The following PTPRD variants were observed in gnomAD, a reference collection of about 807,000 sequenced individuals.
The protein encoded by PTPRD is receptor-type tyrosine-protein phosphatase delta.
A neutral mutation model predicts 214.5 loss-of-function variants in PTPRD; 34 were observed. The observed-to-expected ratio is 0.16, with a 90% CI of 0.12 to 0.21. The LOEUF is 0.21. Among genes scored for constraint, PTPRD ranks in the 10% least tolerant of loss-of-function variants. The pLI, the probability that PTPRD is intolerant of heterozygous loss-of-function variation, is 1.00. For missense variants in PTPRD, 2,545 were observed against 2,398.7 expected (o/e 1.06, Z -1.27); for synonymous variants, 1,128 against 845.7 (o/e 1.33, Z -5.79).
intron 2 of PTPRD, among the ~76,000 whole-genome samples, chr9:10,465,775 T>C (rs572716257): frequency 9.8e-5 from 15 of 152,314 alleles, no homozygotes; most frequent in African/African-American, 3.6e-4. Context: ...TAGGTTTGTG[T>C]AAGCACATTC....
rs373019174 is a variant in PTPRD at position 8,577,664 on chromosome 9, T to C, written c.353-48885A>G. ...CCTGACTTCTCTAACATACTGAGCA[T>C]TGCCTGTCTCTATTCTGGAAACGAC... On this transcript the variant is annotated intron_variant, in intron 14 of 45. Transcript: ENST00000381196. Among the ~76,000 whole-genome samples, 45 of 152,320 alleles carry C rather than the reference T, an allele frequency of 3.0e-4. 2 individuals carry two copies. Among genetic ancestry groups the C allele is most frequent in the African/African-American group, 1.0e-3 (42 of 41,574 alleles).
At chr9:9,888,471 G>C (rs1171521282) in intron 5 of PTPRD, among the ~76,000 whole-genome samples, 1 of 152,056 alleles carries the variant, frequency 6.6e-6, no homozygotes, top group African/African-American at 2.4e-5. Context: ...GGTGGTGTTT[G>C]GGTCATGGGG....
At chr9:8,923,826 A>G (rs1363962590) in intron 11 of PTPRD, among the ~76,000 whole-genome samples, 3 of 152,186 alleles carry the variant, frequency 2.0e-5, no homozygotes, top group Admixed American at 6.5e-5. Flanking sequence ...CTCGAGTGTA[A>G]TGGCTTTGAA....
In PTPRD at chr9:8,582,229, G is replaced by A. The variant is rs10977213; in HGVS notation, c.352+51088C>T. Among the ~76,000 whole-genome samples the A allele has an allele frequency of 0.013, 1,988 of 152,198 alleles. 64 individuals are homozygous for A. In the East Asian group the frequency reaches 0.14, roughly 11 times the overall value. ...GTTGGGACAACTATGCATCCATGTA[G>A]AATAACAAGATTAGATCGCCACTTT... is the stretch of plus-strand genomic sequence containing the variant. On this transcript the variant is annotated intron_variant, in intron 14 of 45. Transcript: ENST00000381196.
chr9:8,769,161 AATAAAG>A (rs2094999945), intron 11 of PTPRD, among the ~76,000 whole-genome samples: 2 of 152,238 alleles, frequency 1.3e-5, no homozygotes, highest in Non-Finnish European at 2.9e-5. Context: ...AAGAAAAACT[AATAAAG>A]ATAAATGATT....
chr9:9,758,807 T>A (rs2098618042), intron 6 of PTPRD, among the ~76,000 whole-genome samples: 1 of 133,992 alleles, frequency 7.5e-6, no homozygotes. Context: ...ATCAAGTCTC[T>A]CTTGTGTACA....
chr9:9,404,584 T>C (rs10759062), intron 8 of PTPRD, among the ~76,000 whole-genome samples: 132,880 of 152,100 alleles, frequency 0.87, 58,240 homozygotes, highest in African/African-American at 0.91. Flanking sequence ...GTATCAGCTG[T>C]GTTGATTAGC....
At chr9:9,255,109 G>C (rs1411733352) in intron 9 of PTPRD, among the ~76,000 whole-genome samples, 2 of 152,002 alleles carry the variant, frequency 1.3e-5, no homozygotes, top group Non-Finnish European at 2.9e-5. Flanking sequence ...TTAAATATAG[G>C]CTAGGCTTTG....
chr9:9,647,171 C>T (rs984073741), intron 7 of PTPRD, among the ~76,000 whole-genome samples: 5 of 151,916 alleles, frequency 3.3e-5, no homozygotes, highest in Non-Finnish European at 7.4e-5. Flanking sequence ...ATTATTGCAT[C>T]TTTCCCCCCC....
intron 12 of PTPRD, among the ~76,000 whole-genome samples, chr9:8,648,046 G>A: frequency 6.6e-6 from 1 of 152,156 alleles, no homozygotes; most frequent in East Asian, 1.9e-4. Context: ...TGCAATCCCA[G>A]CTTCTGCTAT....
intron 3 of PTPRD, among the ~76,000 whole-genome samples, chr9:10,050,869 ACTAT>A (rs2097524401): frequency 6.6e-6 from 1 of 152,054 alleles, no homozygotes; most frequent in South Asian, 2.1e-4. Flanking sequence ...TCTCTATCTA[ACTAT>A]CTATTAGAAA....
intron 9 of PTPRD, among the ~76,000 whole-genome samples, chr9:9,255,911 G>T (rs2099977512): frequency 6.6e-6 from 1 of 152,010 alleles, no homozygotes; most frequent in South Asian, 2.1e-4. Context: ...CTGATTCAAA[G>T]ACCTTTGTAC....
intron 11 of PTPRD, among the ~76,000 whole-genome samples, chr9:8,765,827 A>T (rs1387841958): frequency 6.6e-6 from 1 of 152,110 alleles, no homozygotes; most frequent in Non-Finnish European, 1.5e-5. Flanking sequence ...TGTTCTCCAA[A>T]CCCAGCATTA....
intron 3 of PTPRD, among the ~76,000 whole-genome samples, chr9:10,196,236 C>A (rs139463379): frequency 2.6e-5 from 4 of 152,238 alleles, no homozygotes; most frequent in African/African-American, 9.6e-5. Flanking sequence ...ATCACCATTT[C>A]TCTCTGAGTT....
At position 10,330,522 on chromosome 9, in the gene PTPRD, A is replaced by C. The variant is rs143445951; in HGVS notation, c.-545+10441T>G. On this transcript the variant is annotated intron_variant, in intron 3 of 45. Transcript: ENST00000381196. The stretch of plus-strand genomic sequence containing the variant: ...TCTAAAACTTCAAAAGCTTATAATC[A>C]AAGGGTATCAATATTTTAAAGTTTC... Among the ~76,000 whole-genome samples, 144 of 151,950 alleles carry C rather than the reference A, an allele frequency of 9.5e-4. 2 individuals carry two copies. The East Asian group carries it at 0.019, about 20-fold the overall frequency.
chr9:10,200,350 T>C (rs957439301), intron 3 of PTPRD, among the ~76,000 whole-genome samples: 1 of 152,118 alleles, frequency 6.6e-6, no homozygotes, highest in Non-Finnish European at 1.5e-5. Context: ...TGGTAATATG[T>C]GCAGACTTTT....
chr9:8,804,832 A>T (rs972772587), intron 11 of PTPRD, among the ~76,000 whole-genome samples: 4 of 152,342 alleles, frequency 2.6e-5, no homozygotes, highest in South Asian at 4.1e-4. Context: ...CCAGGAGAGA[A>T]GACAGATAGG....
chr9:8,680,876 T>C (rs183893199), intron 12 of PTPRD, among the ~76,000 whole-genome samples: 65 of 152,310 alleles, frequency 4.3e-4, no homozygotes, highest in African/African-American at 1.5e-3. Flanking sequence ...AGTCGAATGA[T>C]TGGCCTCACG....
intron 2 of PTPRD, among the ~76,000 whole-genome samples, chr9:10,510,048 A>G (rs2047470986): frequency 6.6e-6 from 1 of 152,114 alleles, no homozygotes; most frequent in Non-Finnish European, 1.5e-5. Context: ...GCTCTAGTAT[A>G]CATATAAATT....
Sources: gnomAD v4.1 joint callset for allele counts (sites outside exome capture counted in the v4.1 genomes callset) on GRCh38, gnomAD v4.1.1 for gene constraint, MANE v1.5 for transcripts, NCBI Gene and HGNC (gene_info 2026-07-23, HGNC 2026-07-21) for gene names.